Variants in MAML3 observed in about 807,000 individuals in gnomAD.
The protein encoded by MAML3 is mastermind-like protein 3.
Under a neutral mutation model 101.9 loss-of-function variants are expected in MAML3, and 27 were observed. The ratio of observed to expected loss-of-function variants is 0.27; its 90% CI spans 0.20 to 0.37. The LOEUF (loss-of-function observed/expected upper bound fraction) is 0.37. Among genes scored for constraint, MAML3 ranks in the 10% least tolerant of loss-of-function variants. The probability of loss-of-function intolerance (pLI) is 1.00; values close to 1 mark genes in which losing one functional copy is unlikely to be tolerated. For missense variants in MAML3, 1,316 were observed against 1,444.9 expected (o/e 0.91, Z 1.45); for synonymous variants, 501 against 555.9 (o/e 0.90, Z 1.39).
At chr4:139,934,325 A>C (rs1733464592) in intron 1 of MAML3, among the ~76,000 whole-genome samples, 1 of 151,916 alleles carries the variant, frequency 6.6e-6, no homozygotes, top group Non-Finnish European at 1.5e-5. Context: ...GTGAGTGAAC[A>C]TGAATGTGCA....
At chr4:140,105,347 T>C (rs552753940) in intron 1 of MAML3, among the ~76,000 whole-genome samples, 4 of 152,356 alleles carry the variant, frequency 2.6e-5, no homozygotes, top group African/African-American at 9.6e-5. Flanking sequence ...AGAGGTTTCA[T>C]GAGCAACTCG....
At chr4:139,755,853 A>T (rs747982035) in intron 2 of MAML3, among the ~76,000 whole-genome samples, 103 of 152,154 alleles carry the variant, frequency 6.8e-4, no homozygotes, top group Non-Finnish European at 1.2e-3. Flanking sequence ...AAAATAAAAT[A>T]AAAAAACCCC....
chr4:139,766,661 CCTT>C (rs1243189431), intron 2 of MAML3, among the ~76,000 whole-genome samples: 2 of 152,216 alleles, frequency 1.3e-5, no homozygotes, highest in African/African-American at 2.4e-5. Flanking sequence ...CAGATCTTCT[CCTT>C]CTTCTCCCGA....
intron 2 of MAML3, among the ~76,000 whole-genome samples, chr4:139,848,739 T>C (rs1205293486): frequency 6.6e-6 from 1 of 152,192 alleles, no homozygotes; most frequent in Non-Finnish European, 1.5e-5. Flanking sequence ...TTGTCTAAGT[T>C]TTAGCTATGA....
chr4:139,828,732 T>TTAA (rs1553959123), intron 2 of MAML3, among the ~76,000 whole-genome samples: 6 of 144,448 alleles, frequency 4.2e-5, no homozygotes, highest in African/African-American at 7.7e-5. Context: ...TTTTTTTTTT[T>TTAA]AAAAACATAG....
At chr4:140,140,205 T>G (rs1385992511) in intron 1 of MAML3, among the ~76,000 whole-genome samples, 2 of 152,024 alleles carry the variant, frequency 1.3e-5, no homozygotes, top group Non-Finnish European at 2.9e-5. Flanking sequence ...GCACCTGTAG[T>G]CCCAGCTACT....
At chr4:139,726,819 C>G (rs1728491230) in intron 3 of MAML3, among the ~76,000 whole-genome samples, 1 of 152,096 alleles carries the variant, frequency 6.6e-6, no homozygotes, top group Non-Finnish European at 1.5e-5. Flanking sequence ...TACCAATATG[C>G]TGGGAAGGCT....
chr4:139,838,793 T>C (rs985049728), intron 2 of MAML3, among the ~76,000 whole-genome samples: 1 of 152,166 alleles, frequency 6.6e-6, no homozygotes, highest in Non-Finnish European at 1.5e-5. Flanking sequence ...ATTGTTACTA[T>C]AAAACACGCA....
At chr4:139,757,742 C>A (rs1228792063) in intron 2 of MAML3, among the ~76,000 whole-genome samples, 1 of 152,060 alleles carries the variant, frequency 6.6e-6, no homozygotes, top group Non-Finnish European at 1.5e-5. Context: ...TGCCAGCCCC[C>A]ATGCTACCTC....
At position 140,152,768 on chromosome 4, in the gene MAML3, C is replaced by G. The variant is rs1476524020; in HGVS notation, c.468+92G>C. The G allele has an allele frequency of 3.9e-6, 6 of 1,531,128 alleles. No homozygotes were observed. The African/African-American group carries it at 6.9e-5, about 18-fold the overall frequency. 94.8% of individuals were successfully genotyped at this position (1,531,128 alleles called of 1,614,324 possible). ...ACCTCACCCACCGTGCAAATCAGAC[C>G]CTTGTACCCCCATGTAAGAAGCTCC... On this transcript the variant is annotated intron_variant, in intron 1 of 4. Transcript: ENST00000509479.
At chr4:140,134,090 T>C in intron 1 of MAML3, 2 of 456,732 alleles carry the variant, frequency 4.4e-6, no homozygotes, top group South Asian at 3.1e-5. Context: ...GGACTGGCTA[T>C]CTATGACTGG....
At chr4:139,773,360 A>C (rs987034276) in intron 2 of MAML3, among the ~76,000 whole-genome samples, 1 of 152,158 alleles carries the variant, frequency 6.6e-6, no homozygotes, top group African/African-American at 2.4e-5. Flanking sequence ...AGAGACTTAA[A>C]TCTCTCGCAA....
At chr4:139,736,061 C>A (rs1047084512) in intron 2 of MAML3, among the ~76,000 whole-genome samples, 7 of 152,082 alleles carry the variant, frequency 4.6e-5, no homozygotes, top group Non-Finnish European at 1.0e-4. Context: ...TAAATCAATG[C>A]ATAAACAAAA....
intron 1 of MAML3, among the ~76,000 whole-genome samples, chr4:139,980,427 C>T (rs761465714): frequency 2.6e-5 from 4 of 152,132 alleles, no homozygotes; most frequent in African/African-American, 7.2e-5. Context: ...TTGGCTAAGA[C>T]ATCATCTCCC....
At chr4:139,797,293 T>C (rs180885001) in intron 2 of MAML3, among the ~76,000 whole-genome samples, 66 of 152,330 alleles carry the variant, frequency 4.3e-4, no homozygotes, top group African/African-American at 1.4e-3. Context: ...TGAGCGAACA[T>C]GTCAGCAGGG....
intron 2 of MAML3, among the ~76,000 whole-genome samples, chr4:139,863,203 G>A (rs111339450): frequency 3.2e-4 from 48 of 151,864 alleles, no homozygotes; most frequent in African/African-American, 1.1e-3. Context: ...TTGCTGTGAA[G>A]GTGGGAGTTG....
chr4:140,125,023 T>C (rs1728662945), intron 1 of MAML3, among the ~76,000 whole-genome samples: 1 of 152,236 alleles, frequency 6.6e-6, no homozygotes, highest in Non-Finnish European at 1.5e-5. Context: ...TCTAATGTCC[T>C]TTAATTATAA....
chr4:140,043,635 A>G (rs1727123408), intron 1 of MAML3, among the ~76,000 whole-genome samples: 1 of 152,190 alleles, frequency 6.6e-6, no homozygotes, highest in African/African-American at 2.4e-5. Context: ...ATTTTTCTTT[A>G]AAAATGGCAG....
intron 2 of MAML3, among the ~76,000 whole-genome samples, chr4:139,830,401 C>T (rs528863518): frequency 6.2e-4 from 94 of 150,598 alleles, no homozygotes; most frequent in East Asian, 1.9e-3. Context: ...TACTTTTGCA[C>T]GCTGTGCTAT....
Sources: gnomAD v4.1 joint callset for allele counts (sites outside exome capture counted in the v4.1 genomes callset) on GRCh38, gnomAD v4.1.1 for gene constraint, MANE v1.5 for transcripts, NCBI Gene and HGNC (gene_info 2026-07-23, HGNC 2026-07-21) for gene names.